Variants in SLC2A2 observed in about 807,000 individuals in gnomAD.
The protein encoded by SLC2A2 is solute carrier family 2, facilitated glucose transporter member 2.
A neutral mutation model predicts 54.5 loss-of-function variants in SLC2A2; 36 were observed. The observed-to-expected ratio is 0.66, with a 90% CI of 0.51 to 0.87. SLC2A2 has a LOEUF of 0.87. Among genes scored for constraint, SLC2A2 ranks in the 40% least tolerant of loss-of-function variants. The pLI, the probability that SLC2A2 is intolerant of heterozygous loss-of-function variation, is 0.00. For missense variants in SLC2A2, 543 were observed against 624.3 expected (o/e 0.87, Z 1.39); for synonymous variants, 223 against 219.1 (o/e 1.02, Z -0.16).
rs1716471161 is a variant in SLC2A2, at chr3:171,021,607, G to A, written c.16-2984C>T. 2.0e-5 allele frequency among the ~76,000 whole-genome samples: 3 copies of A among 152,172 alleles called. 1 individual carries two copies. The highest frequency in any genetic ancestry group is 4.8e-5 in the African/African-American group (2 of 41,438). ...TCATGACCAGCCTGGGCAGCATAGC[G>A]AGATCCCCATCTCTACAACAACATC... On this transcript the variant is annotated intron_variant, in intron 1 of 10. Transcript: ENST00000314251.
rs1252005701 is a variant in SLC2A2 at position 171,018,609 on chromosome 3, C to T, written c.30G>A (p.Leu10=). 1.9e-6 allele frequency: 3 copies of T among 1,613,628 alleles called. No homozygotes were observed. The highest frequency in any genetic ancestry group is 2.5e-6 in the Non-Finnish European group (3 of 1,179,698). ...GCACAGCAGTGATGACAGTGAAAAC[C>T]AGGGTCCCAGTGACCTGCAGGGGGC... is the stretch of plus-strand genomic sequence containing the variant. The part of the protein sequence containing the change: MTEDKVTGT[L]VFTVITAVLG... Residue 10 remains leucine, a synonymous_variant, in exon 2 of 11, where the codon CTG becomes CTA. Transcript: ENST00000314251.
chr3:171,015,234 C>T lies in SLC2A2; in HGVS notation c.109-503G>A, dbSNP rs978811033. ...CTATAATCTCAGCACTTTGGGAGGC[C>T]GAGGTGGGCGGACTGCTTGAGCTCA... is the stretch of plus-strand genomic sequence containing the variant. On this transcript the variant is annotated intron_variant, in intron 2 of 10. Coordinates refer to ENST00000314251, the MANE Select transcript of SLC2A2 (RefSeq NM_000340.2). 2.6e-5 allele frequency among the ~76,000 whole-genome samples: 4 copies of T among 151,998 alleles called. No homozygotes were observed. The East Asian group carries it at 7.7e-4, about 29-fold the overall frequency.
intron 2 of SLC2A2, among the ~76,000 whole-genome samples, chr3:171,017,167 AATG>A (rs1716192278): frequency 6.6e-6 from 1 of 152,034 alleles, no homozygotes. Context: ...TGGTTCAATT[AATG>A]ATGTGATAAG....
intron 5 of SLC2A2, 100 bp from the exon 6 acceptor site, chr3:171,006,205 T>G: frequency 9.3e-7 from 1 of 1,069,874 alleles, no homozygotes; most frequent in Non-Finnish European, 1.4e-6. Flanking sequence ...AATAGTAGTC[T>G]CTGACAACTT....
intron 1 of SLC2A2, 66 bp from the exon 2 acceptor site, chr3:171,018,689 G>C: frequency 9.0e-7 from 1 of 1,111,806 alleles, no homozygotes; most frequent in South Asian, 1.2e-5. Context: ...TTTCTGTCAG[G>C]CTGCAGCTTA....
At chr3:171,004,681 T>G (rs1375092497) in intron 7 of SLC2A2, among the ~76,000 whole-genome samples, 5 of 152,042 alleles carry the variant, frequency 3.3e-5, no homozygotes, top group Admixed American at 6.6e-5. Flanking sequence ...GTCTGCATGA[T>G]GCAGGGGTTT....
intron 1 of SLC2A2, among the ~76,000 whole-genome samples, chr3:171,019,085 A>ATGTG (rs1229962724): frequency 1.3e-5 from 1 of 79,438 alleles, no homozygotes; most frequent in African/African-American, 7.4e-5. Context: ...GTATATATAT[A>ATGTG]TGTGTGTGTG....
chr3:171,017,079 C>T (rs1051425583), intron 2 of SLC2A2, among the ~76,000 whole-genome samples: 4 of 151,816 alleles, frequency 2.6e-5, no homozygotes, highest in Non-Finnish European at 4.4e-5. Context: ...CTCGAACTCC[C>T]GACCTCAGGT....
chr3:171,005,943 T>C lies in SLC2A2; in HGVS notation c.775A>G (p.Ser259Gly). 2 of 1,611,980 alleles carry C rather than the reference T, an allele frequency of 1.2e-6. No homozygotes were observed. The highest frequency in any genetic ancestry group is 1.7e-4 in the Middle Eastern group (1 of 6,040). ...KLDEEVKAKQ[S>G]LKRLRGYDDV... The stretch of plus-strand genomic sequence containing the variant: ...AAAGAAAAACCATCCACAGACTTAC[T>C]TTGTTTTGCTTTGACTTCCTCATCT... The change falls in exon 6 of 11, where the codon AGC (serine) becomes GGC (glycine). Residue 259 changes from serine to glycine, a missense_variant and splice_region_variant. Around this residue, in one of 3 missense-constraint regions of SLC2A2, gnomAD observed 318 missense variants for 343.8 expected, o/e 0.93. Coordinates refer to ENST00000314251, the MANE Select transcript of SLC2A2 (RefSeq NM_000340.2).
chr3:171,019,045 A>G (rs550307474), intron 1 of SLC2A2, among the ~76,000 whole-genome samples: 1 of 148,904 alleles, frequency 6.7e-6, no homozygotes, highest in Non-Finnish European at 1.5e-5. Context: ...TTATATATAT[A>G]TATTTGTTGA....
chr3:171,002,568 T>G lies in SLC2A2; in HGVS notation c.1068+8A>C, dbSNP rs781461369. The G allele has an allele frequency of 9.6e-6, 15 of 1,569,500 alleles. No individual in the cohort carries two copies. The highest frequency in any genetic ancestry group is 1.3e-5 in the Non-Finnish European group (15 of 1,140,796). ...CAAGCAGAGTATTTATCTAGGGCAT[T>G]GACTTACAGAGACAGCAGTGAAAAC... On this transcript the variant is annotated splice_region_variant and intron_variant, in intron 8 of 10. Coordinates refer to ENST00000314251, the MANE Select transcript of SLC2A2 (RefSeq NM_000340.2).
intron 1 of SLC2A2, among the ~76,000 whole-genome samples, chr3:171,022,412 A>G (rs1354373733): frequency 1.3e-5 from 2 of 152,184 alleles, no homozygotes; most frequent in Admixed American, 6.5e-5. Context: ...TCTCAACCAC[A>G]TTTTCCCACC....
chr3:170,998,940 C>T, intron 9 of SLC2A2, 125 bp downstream of exon 9: 1 of 765,920 alleles, frequency 1.3e-6, no homozygotes. Flanking sequence ...TATGCTGTTG[C>T]TCTGGCTTTA....
Position 171,018,540 on chromosome 3 carries a change from T to A in SLC2A2, c.99A>T (p.Ala33=). ...TACATATTTCACTTGCCTGTTGAGGTGCATTGATCACACCAATGTCATATC... is the reference window on the plus strand; with the variant it reads ...TACATATTTCACTTGCCTGTTGAGGAGCATTGATCACACCAATGTCATATC... ...QFGYDIGVIN[A]PQQVIISHYR... The change falls in exon 2 of 11, where the codon GCA becomes GCT. Residue 33 remains alanine, a synonymous_variant. Transcript: ENST00000314251. 1 of 1,606,896 alleles carries A rather than the reference T, an allele frequency of 6.2e-7. No individual in the cohort carries two copies. Among genetic ancestry groups the A allele is most frequent in the Non-Finnish European group, 8.5e-7 (1 of 1,173,402 alleles).
intron 2 of SLC2A2, among the ~76,000 whole-genome samples, chr3:171,016,344 G>A (rs1716147844): frequency 6.6e-6 from 1 of 152,198 alleles, no homozygotes. Flanking sequence ...GCTGAGGCAA[G>A]AGAATTGCTT....
At chr3:171,003,036 C>T (rs935669792) in intron 7 of SLC2A2, among the ~76,000 whole-genome samples, 5 of 151,950 alleles carry the variant, frequency 3.3e-5, no homozygotes, top group African/African-American at 1.2e-4. Flanking sequence ...GTAACTAGCA[C>T]CCAGATCAAG....
intron 8 of SLC2A2, among the ~76,000 whole-genome samples, chr3:171,000,523 C>T (rs774276866): frequency 5.4e-5 from 8 of 149,350 alleles, no homozygotes; most frequent in Non-Finnish European, 1.0e-4. Context: ...CCAATTAGAA[C>T]GCTCATCTTT....
chr3:171,026,181 A>G lies in SLC2A2; in HGVS notation c.15+475T>C, dbSNP rs187862891. ...ATATTTAAAATTTCCCAACGTCTCC[A>G]TAGTTCCCTTATTGCTATTTTTTTC... On this transcript the variant is annotated intron_variant, in intron 1 of 10. Coordinates refer to ENST00000314251, the MANE Select transcript of SLC2A2 (RefSeq NM_000340.2). 9.2e-5 allele frequency among the ~76,000 whole-genome samples: 14 copies of G among 152,312 alleles called. No individual in the cohort carries two copies. The East Asian group carries it at 2.3e-3, about 25-fold the overall frequency.
intron 4 of SLC2A2, 32 bp downstream of exon 4, chr3:171,009,912 GGTGTGTGTGTGTGT>G (rs71176588): frequency 2.6e-5 from 34 of 1,325,590 alleles, no homozygotes; most frequent in South Asian, 1.3e-4. Context: ...GACAAAGGTA[GGTGTGTGTGTGTGT>G]GTGTGTGTGT....
Sources: gnomAD v4.1 joint callset for allele counts (sites outside exome capture counted in the v4.1 genomes callset) on GRCh38, gnomAD v4.1.1 for gene constraint, gnomAD v4.1.1 regional missense constraint, MANE v1.5 for transcripts, NCBI Gene and HGNC (gene_info 2026-07-23, HGNC 2026-07-21) for gene names.